The following BNC2 variants were observed in gnomAD, a reference collection of about 807,000 sequenced individuals.
BNC2 encodes zinc finger protein basonuclin-2.
In BNC2, 20 loss-of-function variants were observed where a neutral mutation model predicts 76.3. The ratio of observed to expected loss-of-function variants is 0.26; its 90% CI spans 0.18 to 0.38. The LOEUF (loss-of-function observed/expected upper bound fraction) is 0.38. Among genes scored for constraint, BNC2 ranks in the 10% least tolerant of loss-of-function variants. The pLI, the probability that BNC2 is intolerant of heterozygous loss-of-function variation, is 1.00. For missense variants in BNC2, 1,382 were observed against 1,399.8 expected (o/e 0.99, Z 0.20); for synonymous variants, 582 against 514.8 (o/e 1.13, Z -1.77).
At chr9:16,645,762 A>G (rs765551382) in intron 3 of BNC2, among the ~76,000 whole-genome samples, 3 of 152,222 alleles carry the variant, frequency 2.0e-5, no homozygotes, top group South Asian at 4.1e-4. Flanking sequence ...TATTGCTTAT[A>G]ATGGTTAAAT....
At chr9:16,696,102 G>A (rs1311754321) in intron 3 of BNC2, among the ~76,000 whole-genome samples, 1 of 152,180 alleles carries the variant, frequency 6.6e-6, no homozygotes, top group East Asian at 1.9e-4. Flanking sequence ...TACATGCTCA[G>A]ACCTCTGCAA....
chr9:16,637,480 A>T (rs1233123342), intron 3 of BNC2, among the ~76,000 whole-genome samples: 1 of 152,238 alleles, frequency 6.6e-6, no homozygotes, highest in Non-Finnish European at 1.5e-5. Context: ...TGTGTCAAGT[A>T]GATTGCTCTA....
At chr9:16,502,396 A>C (rs905370473) in intron 5 of BNC2, among the ~76,000 whole-genome samples, 1 of 152,074 alleles carries the variant, frequency 6.6e-6, no homozygotes, top group Non-Finnish European at 1.5e-5. Context: ...GGATTGGGTT[A>C]ATTTTTTTTT....
intron 5 of BNC2, among the ~76,000 whole-genome samples, chr9:16,486,680 T>C (rs958515426): frequency 1.3e-5 from 2 of 152,172 alleles, no homozygotes; most frequent in Admixed American, 1.3e-4. Flanking sequence ...TGGGTTTCTA[T>C]AGGGATGCAA....
At chr9:16,548,297 G>C (rs1818550559) in intron 5 of BNC2, among the ~76,000 whole-genome samples, 1 of 152,104 alleles carries the variant, frequency 6.6e-6, no homozygotes, top group African/African-American at 2.4e-5. Flanking sequence ...AGGACAGAGG[G>C]GAAAATGGGG....
intron 3 of BNC2, among the ~76,000 whole-genome samples, chr9:16,587,638 G>A (rs1432539656): frequency 6.6e-6 from 1 of 152,002 alleles, no homozygotes; most frequent in Non-Finnish European, 1.5e-5. Context: ...GCTTGACTGA[G>A]GTTATTTTCA....
intron 6 of BNC2, chr9:16,431,584 C>G (rs570544802): frequency 2.5e-5 from 8 of 326,250 alleles, no homozygotes; most frequent in Non-Finnish European, 3.4e-5. Flanking sequence ...AAGGGATAAA[C>G]AAGAAGGAGG....
In BNC2 at chr9:16,410,814, T is replaced by C. The variant is rs1388636330; in HGVS notation, c.*8175A>G. 6.6e-6 allele frequency: 1 copy of C among 152,160 alleles called. No individual in the cohort carries two copies. The highest frequency in any genetic ancestry group is 1.5e-5 in the Non-Finnish European group (1 of 68,040). The allele number at this position is 152,160 out of a possible 1,614,324, so 9.4% of individuals were successfully genotyped here. On this transcript the variant is annotated 3_prime_UTR_variant, in exon 7 of 7. Transcript: ENST00000380672. ...AAGATACACAATGAGAGGAATGGAT[T>C]ACTCTGTACAAAAACATGCAAAAAT...
At chr9:16,564,405 T>C (rs540981902) in intron 4 of BNC2, among the ~76,000 whole-genome samples, 1 of 152,142 alleles carries the variant, frequency 6.6e-6, no homozygotes, top group Non-Finnish European at 1.5e-5. Context: ...GTAGTAAAGA[T>C]GAGGCACAGC....
intron 5 of BNC2, among the ~76,000 whole-genome samples, chr9:16,480,801 G>A (rs879377421): frequency 3.3e-4 from 51 of 152,276 alleles, no homozygotes; most frequent in Admixed American, 1.6e-3. Context: ...CCCCCTCCAT[G>A]GGCTCCTGTG....
chr9:16,626,554 C>T (rs546548187), intron 3 of BNC2, among the ~76,000 whole-genome samples: 1 of 151,996 alleles, frequency 6.6e-6, no homozygotes, highest in Non-Finnish European at 1.5e-5. Context: ...AAATAAACAA[C>T]AACAAAGACA....
chr9:16,798,746 C>T (rs923916254), intron 1 of BNC2, among the ~76,000 whole-genome samples: 1 of 152,168 alleles, frequency 6.6e-6, no homozygotes, highest in Non-Finnish European at 1.5e-5. Context: ...ATGCTCCCCA[C>T]CACCCTGTAA....
intron 5 of BNC2, among the ~76,000 whole-genome samples, chr9:16,493,450 G>A (rs1822319890): frequency 6.6e-6 from 1 of 152,218 alleles, no homozygotes; most frequent in South Asian, 2.1e-4. Flanking sequence ...ATTCAGAGCT[G>A]TCTTGAGCAC....
intron 3 of BNC2, among the ~76,000 whole-genome samples, chr9:16,696,617 G>C (rs985077426): frequency 6.6e-6 from 1 of 152,060 alleles, no homozygotes; most frequent in African/African-American, 2.4e-5. Flanking sequence ...ATTTCTCTTT[G>C]TATTTCCCAA....
intron 1 of BNC2, among the ~76,000 whole-genome samples, chr9:16,804,874 C>A (rs1484784475): frequency 6.6e-6 from 1 of 151,870 alleles, no homozygotes; most frequent in Admixed American, 6.6e-5. Flanking sequence ...CCAGCCTGGC[C>A]AATACAGTGA....
intron 3 of BNC2, among the ~76,000 whole-genome samples, chr9:16,621,721 G>GAA (rs1163990284): frequency 1.3e-5 from 2 of 152,146 alleles, no homozygotes; most frequent in East Asian, 3.9e-4. Flanking sequence ...GCCACATGTG[G>GAA]GTATTGACCA....
chr9:16,639,555 C>T (rs1222997788), intron 3 of BNC2, among the ~76,000 whole-genome samples: 1 of 151,864 alleles, frequency 6.6e-6, no homozygotes, highest in Non-Finnish European at 1.5e-5. Context: ...TTTTTTATGT[C>T]CTTATTAACA....
At chr9:16,789,627 G>C (rs573928265) in intron 1 of BNC2, among the ~76,000 whole-genome samples, 12 of 152,262 alleles carry the variant, frequency 7.9e-5, no homozygotes, top group African/African-American at 2.9e-4. Context: ...CAGGCTATGT[G>C]TTTGATAGGT....
rs180989752 is a variant in BNC2 at position 16,454,693 on chromosome 9, G to A, written c.670-17169C>T. ...TGTAAACTCAACTACCTTCTTTAGCGACATCCTTACTAAAAAATAAAACAA... is the reference window on the plus strand; with the variant it reads ...TGTAAACTCAACTACCTTCTTTAGCAACATCCTTACTAAAAAATAAAACAA... On this transcript the variant is annotated intron_variant, in intron 5 of 6. Coordinates refer to ENST00000380672, the MANE Select transcript of BNC2 (RefSeq NM_017637.6). Among the ~76,000 whole-genome samples the A allele has an allele frequency of 1.3e-3, 193 of 152,170 alleles. 1 individual carries two copies. The highest frequency in any genetic ancestry group is 4.3e-3 in the African/African-American group (178 of 41,518).
Sources: gnomAD v4.1 joint callset for allele counts (sites outside exome capture counted in the v4.1 genomes callset) on GRCh38, gnomAD v4.1.1 for gene constraint, MANE v1.5 for transcripts, NCBI Gene and HGNC (gene_info 2026-07-23, HGNC 2026-07-21) for gene names.